FAM117B: variants seen among roughly 807,000 people sequenced by gnomAD.
FAM117B encodes the protein family with sequence similarity 117 member B.
In FAM117B, 22 loss-of-function variants were observed where a neutral mutation model predicts 52.8. The ratio of observed to expected loss-of-function variants is 0.42; its 90% CI spans 0.30 to 0.59. The LOEUF (loss-of-function observed/expected upper bound fraction) is 0.59. FAM117B is among the 20% of genes least tolerant of loss of function. The probability of loss-of-function intolerance (pLI) is 0.22; values close to 1 mark genes in which losing one functional copy is unlikely to be tolerated. For synonymous variants in FAM117B, 309 were observed against 324.1 expected, an observed-to-expected ratio of 0.95 and a Z score of 0.50; for missense variants, 678 against 802.6, an observed-to-expected ratio of 0.84 and a Z score of 1.88.
At chr2:202,688,094 A>G (rs893132794) in intron 1 of FAM117B, among the ~76,000 whole-genome samples, 1 of 152,166 alleles carries the variant, frequency 6.6e-6, no homozygotes, top group Non-Finnish European at 1.5e-5. Context: ...AAATATCTTT[A>G]ATATTCTATG....
intron 1 of FAM117B, among the ~76,000 whole-genome samples, chr2:202,636,029 G>T (rs931481430): frequency 8.4e-6 from 1 of 118,522 alleles, no homozygotes; most frequent in African/African-American, 3.1e-5. Context: ...ACGGCTCCCT[G>T]GTGGTGGAGG....
chr2:202,648,394 G>A (rs1288312722), intron 1 of FAM117B, among the ~76,000 whole-genome samples: 4 of 152,006 alleles, frequency 2.6e-5, no homozygotes, highest in South Asian at 4.2e-4. Flanking sequence ...GTGTGCGCCT[G>A]TAGTCCCAAC....
rs35842700 is a variant in FAM117B, at chr2:202,662,119, G to GGTGT, written c.601+26348_601+26351dup. On this transcript the variant is annotated intron_variant, in intron 1 of 7. Coordinates refer to ENST00000392238, the MANE Select transcript of FAM117B (RefSeq NM_173511.4). ...GAGTGGATAAAGAAAATGTGAGGTA[G>GGTGT]GTGTGTGTGTGTGTGTGTGTATGTG... Among the ~76,000 whole-genome samples, 192 of 149,680 alleles carry GGTGT rather than the reference G, an allele frequency of 1.3e-3. 1 individual carries two copies. Among genetic ancestry groups the GGTGT allele is most frequent in the East Asian group, 0.011 (58 of 5,086 alleles).
rs759057033 is a variant in FAM117B at position 202,695,894 on chromosome 2, A to G, written c.615A>G (p.Arg205=). 2.5e-6 allele frequency: 4 copies of G among 1,601,204 alleles called. No individual in the cohort carries two copies. The highest frequency in any genetic ancestry group is 3.4e-6 in the Non-Finnish European group (4 of 1,173,626). The change falls in exon 2 of 8, where the codon CGA becomes CGG. Residue 205 remains arginine (R), a synonymous_variant. Transcript: ENST00000392238. The stretch of plus-strand genomic sequence containing the variant: ...TCTTAAATCTAGGTGACAAAACACG[A>G]CAGCCTTCTTCAAGCCCCTCCAGTA... ...APVCKAGDKT[R]QPSSSPSSII... is the part of the protein sequence containing the mutation.
At chr2:202,637,347 T>G (rs891705000) in intron 1 of FAM117B, among the ~76,000 whole-genome samples, 18 of 151,768 alleles carry the variant, frequency 1.2e-4, no homozygotes, top group African/African-American at 3.6e-4. Flanking sequence ...AACCATGGTC[T>G]CCTGGGTTCA....
intron 1 of FAM117B, among the ~76,000 whole-genome samples, chr2:202,665,607 G>T (rs1284261565): frequency 2.0e-5 from 3 of 151,812 alleles, no homozygotes; most frequent in Non-Finnish European, 4.4e-5. Context: ...TCCTCTTTTT[G>T]TTGTTGTTGT....
At chr2:202,761,567 C>T (rs1691890153) in intron 7 of FAM117B, among the ~76,000 whole-genome samples, 2 of 152,068 alleles carry the variant, frequency 1.3e-5, no homozygotes, top group South Asian at 4.1e-4. Flanking sequence ...ACTCTTGTCA[C>T]CCAGGCTGGA....
intron 4 of FAM117B, among the ~76,000 whole-genome samples, chr2:202,734,611 C>A (rs1206620792): frequency 6.6e-6 from 1 of 152,134 alleles, no homozygotes; most frequent in Non-Finnish European, 1.5e-5. Flanking sequence ...AGTGTTGAGT[C>A]CTGCTGCCTG....
chr2:202,643,671 T>C (rs944058290), intron 1 of FAM117B, among the ~76,000 whole-genome samples: 1 of 152,176 alleles, frequency 6.6e-6, no homozygotes, highest in Non-Finnish European at 1.5e-5. Context: ...CTTTCAACTC[T>C]TAGAGGTTTC....
chr2:202,684,982 C>CA (rs201502470), intron 1 of FAM117B, among the ~76,000 whole-genome samples: 11 of 151,178 alleles, frequency 7.3e-5, no homozygotes, highest in South Asian at 6.3e-4. Context: ...ATGATTATCT[C>CA]AAAAAAAATT....
At position 202,637,184 on chromosome 2, in the gene FAM117B, A is replaced by C. The variant is rs28368817; in HGVS notation, c.601+1396A>C. On this transcript the variant is annotated intron_variant, in intron 1 of 7. Coordinates refer to ENST00000392238, the MANE Select transcript of FAM117B (RefSeq NM_173511.4). ...AATGCTGGGATTACAGGCATGCGCC[A>C]CTGCGCCCGGCCCGAATAGTGTTTT... 6.8e-3 allele frequency among the ~76,000 whole-genome samples: 1,034 copies of C among 152,212 alleles called. 15 individuals are homozygous for C. Among genetic ancestry groups the C allele is most frequent in the African/African-American group, 0.022 (909 of 41,556 alleles).
rs1553526375 is a variant in FAM117B, at chr2:202,766,102, A to ACACACACACC, written c.*343_*344insACACCCACAC. On this transcript the variant is annotated 3_prime_UTR_variant, in exon 8 of 8. Transcript: ENST00000392238. The stretch of plus-strand genomic sequence containing the variant: ...CACACACACACACACACACACACAC[A>ACACACACACC]CACACCCCTGATCCTTGCCAACATG... The ACACACACACC allele has an allele frequency of 2.4e-4, 47 of 191,964 alleles. No homozygotes were observed. Among genetic ancestry groups the ACACACACACC allele is most frequent in the Non-Finnish European group, 3.4e-4 (32 of 94,022 alleles). The allele number at this position is 191,964 out of a possible 1,614,324, so 11.9% of individuals were successfully genotyped here.
intron 4 of FAM117B, among the ~76,000 whole-genome samples, chr2:202,750,920 C>T (rs1484583979): frequency 6.6e-6 from 1 of 152,028 alleles, no homozygotes; most frequent in East Asian, 1.9e-4. Flanking sequence ...TTTTCACTTC[C>T]TGCTTTTGTG....
intron 1 of FAM117B, among the ~76,000 whole-genome samples, chr2:202,694,120 C>T (rs932267148): frequency 6.8e-6 from 1 of 147,242 alleles, no homozygotes; most frequent in Non-Finnish European, 1.5e-5. Flanking sequence ...TTGGTTGGTA[C>T]TTAAAGTTTA....
intron 7 of FAM117B, among the ~76,000 whole-genome samples, chr2:202,761,547 A>G (rs1691889823): frequency 6.6e-6 from 1 of 151,790 alleles, no homozygotes; most frequent in Non-Finnish European, 1.5e-5. Flanking sequence ...TTTTCTTGAG[A>G]TGGAGTTTCA....
intron 4 of FAM117B, among the ~76,000 whole-genome samples, chr2:202,731,747 T>G (rs974642015): frequency 1.3e-5 from 2 of 151,036 alleles, no homozygotes; most frequent in African/African-American, 4.9e-5. Context: ...TTTTGTTTGT[T>G]TGTTTGCGAC....
At chr2:202,672,009 G>A (rs1690307253) in intron 1 of FAM117B, among the ~76,000 whole-genome samples, 1 of 152,110 alleles carries the variant, frequency 6.6e-6, no homozygotes, top group African/African-American at 2.4e-5. Context: ...AGGTGTGTTA[G>A]TTACTTCATT....
intron 4 of FAM117B, among the ~76,000 whole-genome samples, chr2:202,731,254 A>G (rs762265137): frequency 7.4e-5 from 11 of 148,756 alleles, no homozygotes; most frequent in Non-Finnish European, 3.0e-5. Flanking sequence ...CTCCAGTGAA[A>G]TACCAGTTCA....
chr2:202,752,580 TTGTC>T (rs953325449), intron 4 of FAM117B, among the ~76,000 whole-genome samples: 15 of 152,138 alleles, frequency 9.9e-5, no homozygotes, highest in African/African-American at 1.9e-4. Context: ...TCCTTTGTCT[TTGTC>T]TGTTACCTTT....
Sources: gnomAD v4.1 joint callset for allele counts (sites outside exome capture counted in the v4.1 genomes callset) on GRCh38, gnomAD v4.1.1 for gene constraint, MANE v1.5 for transcripts, NCBI Gene and HGNC (gene_info 2026-07-23, HGNC 2026-07-21) for gene names.